ROBO1: variants seen among roughly 807,000 people sequenced by gnomAD.
The protein encoded by ROBO1 is roundabout homolog 1.
ROBO1 carries 149 observed loss-of-function variants against 195.9 expected under a neutral mutation model. The ratio of observed to expected loss-of-function variants is 0.76; its 90% CI spans 0.67 to 0.87. The LOEUF (loss-of-function observed/expected upper bound fraction) is 0.87, where lower values mean the gene tolerates loss of function less well. Ranked by LOEUF, ROBO1 falls within the 40% of genes least tolerant of loss-of-function variation. The probability of loss-of-function intolerance (pLI) is 0.00; values close to 1 mark genes in which losing one functional copy is unlikely to be tolerated. For synonymous variants in ROBO1, 816 were observed against 733.2 expected (o/e 1.11, Z -1.82); for missense variants, 1,933 against 2,068.3 (o/e 0.93, Z 1.27).
At chr3:78,717,436 T>A in intron 6 of ROBO1, 23 bp from the exon 7 acceptor site, 1 of 1,609,454 alleles carries the variant, frequency 6.2e-7, no homozygotes, top group Non-Finnish European at 8.5e-7. Flanking sequence ...AGAGTCATCT[T>A]AAGGTAAAAT....
At chr3:79,645,438 G>T (rs2106702895) in intron 1 of ROBO1, among the ~76,000 whole-genome samples, 1 of 152,108 alleles carries the variant, frequency 6.6e-6, no homozygotes, top group Non-Finnish European at 1.5e-5. Context: ...GGAGTTCGAG[G>T]CTGCAGTGAG....
intron 3 of ROBO1, among the ~76,000 whole-genome samples, chr3:78,939,531 T>C (rs2040015958): frequency 1.3e-5 from 2 of 148,812 alleles, no homozygotes; most frequent in South Asian, 4.2e-4. Context: ...GGCAGGAGAA[T>C]GGCGTGAACC....
chr3:79,022,800 C>A (rs928937896), intron 3 of ROBO1, among the ~76,000 whole-genome samples: 3 of 152,052 alleles, frequency 2.0e-5, no homozygotes, highest in Non-Finnish European at 4.4e-5. Context: ...TCAGGATCCC[C>A]AAAATTCAGG....
Position 78,615,716 on chromosome 3 carries a change from G to A in ROBO1, c.4283-916C>T, listed in dbSNP as rs148258710. ...TACCACAAGAAACTTCAAATGGACC[G>A]CGACAACATGTCTTTTGGCTATAAA... On this transcript the variant is annotated intron_variant, in intron 27 of 30. Transcript: ENST00000464233. Among the ~76,000 whole-genome samples the A allele has an allele frequency of 8.1e-4, 123 of 152,234 alleles. 3 individuals are homozygous for A. Among genetic ancestry groups the A allele is most frequent in the African/African-American group, 2.4e-3 (101 of 41,540 alleles).
chr3:79,430,185 G>A (rs1213459053), intron 2 of ROBO1, among the ~76,000 whole-genome samples: 1 of 152,004 alleles, frequency 6.6e-6, no homozygotes, highest in South Asian at 2.1e-4. Flanking sequence ...GGCCATGCAA[G>A]TTACAAAAAC....
intron 2 of ROBO1, among the ~76,000 whole-genome samples, chr3:79,516,231 A>G (rs1303170004): frequency 6.6e-6 from 1 of 152,228 alleles, no homozygotes; most frequent in Non-Finnish European, 1.5e-5. Context: ...ATAATTTTAA[A>G]TAAAGATAAC....
At chr3:79,338,716 A>T (rs371265513) in intron 2 of ROBO1, among the ~76,000 whole-genome samples, 8 of 152,012 alleles carry the variant, frequency 5.3e-5, no homozygotes. Flanking sequence ...CTAAAAAAAA[A>T]CCTTCGGATC....
chr3:79,691,507 T>C (rs890313274), intron 1 of ROBO1, among the ~76,000 whole-genome samples: 1 of 151,602 alleles, frequency 6.6e-6, no homozygotes, highest in African/African-American at 2.4e-5. Flanking sequence ...AACTCAAGCA[T>C]TGAACAATGC....
chr3:78,643,964 C>T lies in ROBO1; in HGVS notation c.2882+2184G>A, dbSNP rs1049447946. ...CAAGAGGATGGCTGGAAGGTTTTGG[C>T]TTTGGTGTCATTAACTATGTGAGGT... On this transcript the variant is annotated intron_variant, in intron 21 of 30. Transcript: ENST00000464233. 7.9e-5 allele frequency among the ~76,000 whole-genome samples: 12 copies of T among 151,980 alleles called. No homozygotes were observed. The East Asian group carries it at 1.2e-3, about 15-fold the overall frequency.
chr3:78,956,240 G>A (rs1266716747), intron 3 of ROBO1, among the ~76,000 whole-genome samples: 1 of 151,984 alleles, frequency 6.6e-6, no homozygotes, highest in Admixed American at 6.6e-5. Context: ...CAAATGTCTA[G>A]TTGATCTAAT....
At chr3:78,825,505 G>C (rs1306748566) in intron 4 of ROBO1, among the ~76,000 whole-genome samples, 1 of 152,164 alleles carries the variant, frequency 6.6e-6, no homozygotes, top group East Asian at 1.9e-4. Flanking sequence ...AAGAGATGGT[G>C]CTCATAAAGA....
intron 2 of ROBO1, among the ~76,000 whole-genome samples, chr3:79,221,522 A>G (rs556017853): frequency 2.9e-4 from 44 of 152,146 alleles, no homozygotes; most frequent in African/African-American, 1.0e-3. Flanking sequence ...TTTTTCTTGA[A>G]TTTTTATAGC....
At chr3:78,828,872 T>C (rs910390039) in intron 4 of ROBO1, among the ~76,000 whole-genome samples, 1 of 152,180 alleles carries the variant, frequency 6.6e-6, no homozygotes, top group Non-Finnish European at 1.5e-5. Context: ...TATATAAATA[T>C]TACCTAATAT....
chr3:78,815,152 A>T (rs1203590912), intron 4 of ROBO1, among the ~76,000 whole-genome samples: 1 of 152,068 alleles, frequency 6.6e-6, no homozygotes, highest in Non-Finnish European at 1.5e-5. Flanking sequence ...AAAAATACTG[A>T]AATTCAGCCT....
intron 2 of ROBO1, among the ~76,000 whole-genome samples, chr3:79,296,252 G>A (rs908632931): frequency 6.6e-6 from 1 of 152,084 alleles, no homozygotes; most frequent in Admixed American, 6.6e-5. Context: ...TACCTTAAGA[G>A]TTAAAATGAA....
chr3:79,689,903 T>G (rs762722795), intron 1 of ROBO1, among the ~76,000 whole-genome samples: 13 of 151,934 alleles, frequency 8.6e-5, no homozygotes, highest in Non-Finnish European at 1.6e-4. Context: ...TAAGAATTGA[T>G]TATAGGACAG....
At chr3:78,967,475 A>G (rs1326697627) in intron 3 of ROBO1, among the ~76,000 whole-genome samples, 1 of 152,028 alleles carries the variant, frequency 6.6e-6, no homozygotes, top group Admixed American at 6.5e-5. Flanking sequence ...CCTCACATCC[A>G]TCTAACACTC....
chr3:79,364,267 C>G (rs906137276), intron 2 of ROBO1, among the ~76,000 whole-genome samples: 1 of 149,126 alleles, frequency 6.7e-6, no homozygotes. Context: ...TATATACACA[C>G]ACACATATAT....
At chr3:79,023,602 G>A (rs2078143191) in intron 3 of ROBO1, among the ~76,000 whole-genome samples, 1 of 151,524 alleles carries the variant, frequency 6.6e-6, no homozygotes, top group African/African-American at 2.4e-5. Flanking sequence ...AAAAATCACA[G>A]GGAGGAGAAA....
Sources: gnomAD v4.1 joint callset for allele counts (sites outside exome capture counted in the v4.1 genomes callset) on GRCh38, gnomAD v4.1.1 for gene constraint, MANE v1.5 for transcripts, NCBI Gene and HGNC (gene_info 2026-07-23, HGNC 2026-07-21) for gene names.